KCTD14: variants seen among roughly 807,000 people sequenced by gnomAD.
KCTD14 encodes the protein potassium channel tetramerization domain containing 14, also known as BTB/POZ domain-containing protein KCTD14.
KCTD14 carries 7 observed loss-of-function variants against 5.9 expected under a neutral mutation model. The ratio of observed to expected loss-of-function variants is 1.19; its 90% CI spans 0.68 to 2.23. The LOEUF (loss-of-function observed/expected upper bound fraction) is 2.23, where lower values mean the gene tolerates loss of function less well. Ranked by LOEUF, KCTD14 falls within the 30% of genes most tolerant of loss-of-function variation. KCTD14 has a pLI of 0.00. For synonymous variants in KCTD14, 140 were observed against 133.1 expected (o/e 1.05, Z -0.36); for missense variants, 342 against 332.2 (o/e 1.03, Z -0.23).
intron 2 of KCTD14, among the ~76,000 whole-genome samples, chr11:78,033,891 G>GTT: frequency 2.4e-5 from 1 of 41,790 alleles, no homozygotes. Context: ...GTGTGTGTAT[G>GTT]TGTGTGTGTG....
intron 2 of KCTD14, among the ~76,000 whole-genome samples, chr11:78,031,340 A>G (rs2372895): frequency 0.071 from 10,755 of 151,854 alleles, 1,227 homozygotes; most frequent in African/African-American, 0.25. Flanking sequence ...GAGCCACCAT[A>G]CCTGCAATCT....
chr11:78,038,602 G>C, intron 2 of KCTD14: 6 of 1,525,548 alleles, frequency 3.9e-6, no homozygotes, highest in Non-Finnish European at 5.3e-6. Context: ...CAAGTGAACA[G>C]CTTCTCCACC....
upstream of KCTD14, chr11:78,023,394 T>C (rs559342756): frequency 1.5e-5 from 11 of 744,544 alleles, no homozygotes; most frequent in South Asian, 3.6e-5. Context: ...GTCTGTCTAT[T>C]TGGGGCTTCT....
rs1044419833 is a variant in KCTD14 at position 78,038,891 on chromosome 11, C to T, written c.-95-133G>A. On this transcript the variant is annotated intron_variant, in intron 1 of 2. Coordinates refer to the KCTD14 transcript ENST00000533144. ...ACTGGATGGCTACTGCTGCTGTGGTCACGGTCAGGCCCGGATGTACCAGGG... is the reference window on the plus strand; with the variant it reads ...ACTGGATGGCTACTGCTGCTGTGGTTACGGTCAGGCCCGGATGTACCAGGG... 3.8e-6 allele frequency: 4 copies of T among 1,056,620 alleles called. No homozygotes were observed. In the East Asian group the frequency reaches 1.0e-4, roughly 28 times the overall value. 65.5% of individuals were successfully genotyped at this position (1,056,620 alleles called of 1,614,324 possible).
At chr11:78,034,297 A>G (rs949789070) in intron 2 of KCTD14, among the ~76,000 whole-genome samples, 1 of 152,060 alleles carries the variant, frequency 6.6e-6, no homozygotes, top group African/African-American at 2.4e-5. Context: ...TAGTTTTTAA[A>G]TTTTTTGTAG....
upstream of KCTD14, among the ~76,000 whole-genome samples, chr11:78,024,337 A>G (rs1857386033): frequency 6.7e-6 from 1 of 149,886 alleles, no homozygotes; most frequent in Non-Finnish European, 1.5e-5. Flanking sequence ...GTGAGCTAAG[A>G]TTGCACCACT....
chr11:78,033,889 ATG>A (rs140535954), intron 2 of KCTD14, among the ~76,000 whole-genome samples: 2 of 110,178 alleles, frequency 1.8e-5, no homozygotes. Flanking sequence ...GTGTGTGTGT[ATG>A]TGTGTGTGTG....
upstream of KCTD14, among the ~76,000 whole-genome samples, chr11:78,023,882 G>C (rs557546559): frequency 6.6e-5 from 10 of 152,110 alleles, no homozygotes; most frequent in Non-Finnish European, 8.8e-5. Flanking sequence ...TGAAAGATCC[G>C]CAACACCCAT....
At position 78,016,891 on chromosome 11, in the gene KCTD14, C is replaced by A; in HGVS notation, c.470G>T (p.Arg157Leu). 1 of 1,614,112 alleles carries A rather than the reference C, an allele frequency of 6.2e-7. No homozygotes were observed. Among genetic ancestry groups the A allele is most frequent in the East Asian group, 2.2e-5 (1 of 44,886 alleles). Residue 157 changes from arginine (R) to leucine (L), a missense_variant, in exon 2 of 2, where the codon CGT becomes CTT. Coordinates refer to ENST00000353172, the MANE Select transcript of KCTD14 (RefSeq NM_023930.4). ...CTTCCGTGCTGTTATGGCTTCTGCA[C>A]GTGCCAGGCGCACCATGAGCTCCAG... ...ENLELMVRLA[R>L]AEAITARKSS... is the part of the protein sequence containing the mutation.
At chr11:78,034,318 TTCCTGTGTTGCCCAGGCTGAAC>T (rs1857725205) in intron 2 of KCTD14, among the ~76,000 whole-genome samples, 1 of 152,172 alleles carries the variant, frequency 6.6e-6, no homozygotes, top group Admixed American at 6.5e-5. Flanking sequence ...AGACGAGAAC[TTCCTGTGTTGCCCAGGCTGAAC>T]TCCTGGGCTC....
intron 2 of KCTD14, among the ~76,000 whole-genome samples, chr11:78,029,919 C>A (rs1857568346): frequency 6.6e-6 from 1 of 151,746 alleles, no homozygotes; most frequent in Non-Finnish European, 1.5e-5. Context: ...GTAGCTGGGA[C>A]TACAGGCGCC....
chr11:78,033,897 G>A (rs931549298), intron 2 of KCTD14, among the ~76,000 whole-genome samples: 2 of 32,868 alleles, frequency 6.1e-5, no homozygotes, highest in African/African-American at 4.6e-4. Context: ...GTATGTGTGT[G>A]TGTGTATATA....
At chr11:78,038,214 T>G (rs1857872895) in intron 2 of KCTD14, among the ~76,000 whole-genome samples, 1 of 152,214 alleles carries the variant, frequency 6.6e-6, no homozygotes, top group Non-Finnish European at 1.5e-5. Flanking sequence ...TCTTGGGACC[T>G]CGGGTGTCCT....
chr11:78,032,798 A>G (rs1401106696), intron 2 of KCTD14, among the ~76,000 whole-genome samples: 1 of 147,824 alleles, frequency 6.8e-6, no homozygotes, highest in Non-Finnish European at 1.5e-5. Flanking sequence ...TCAACCTCTC[A>G]GGCTCAACCA....
chr11:78,045,840 G>A (rs893175850), intron 1 of KCTD14, among the ~76,000 whole-genome samples: 2 of 152,070 alleles, frequency 1.3e-5, no homozygotes, highest in Non-Finnish European at 2.9e-5. Flanking sequence ...GAGTACTCAG[G>A]TCCTCCTCAG....
intron 1 of KCTD14, among the ~76,000 whole-genome samples, chr11:78,021,761 T>C (rs1379152853): frequency 6.6e-6 from 1 of 152,148 alleles, no homozygotes; most frequent in African/African-American, 2.4e-5. Flanking sequence ...TGTCACTCCC[T>C]GCATTAAACA....
chr11:78,046,061 C>G, exon 1 of KCTD14: 11 of 981,938 alleles, frequency 1.1e-5, no homozygotes, highest in Non-Finnish European at 1.3e-5. Flanking sequence ...CTGGAATTAC[C>G]TGACAGTAAA....
intron 1 of KCTD14, among the ~76,000 whole-genome samples, chr11:78,042,115 A>G (rs369225166): frequency 2.0e-5 from 3 of 152,220 alleles, no homozygotes; most frequent in East Asian, 1.9e-4. Context: ...GGAATCTGAC[A>G]TGGCTGACTC....
chr11:78,041,351 C>T (rs542430305), intron 1 of KCTD14, among the ~76,000 whole-genome samples: 44 of 152,258 alleles, frequency 2.9e-4, no homozygotes, highest in Non-Finnish European at 2.4e-4. Flanking sequence ...TTTCCTAGGC[C>T]GACTAAGAAT....
Sources: gnomAD v4.1 joint callset for allele counts (sites outside exome capture counted in the v4.1 genomes callset) on GRCh38, gnomAD v4.1.1 for gene constraint, MANE v1.5 for transcripts, NCBI Gene and HGNC (gene_info 2026-07-23, HGNC 2026-07-21) for gene names.